The following WDR97 variants were observed in gnomAD, a reference collection of about 807,000 sequenced individuals.
The protein encoded by WDR97 is WD repeat-containing protein 97.
In WDR97, 111 loss-of-function variants were observed where a neutral mutation model predicts 65.4. The ratio of observed to expected loss-of-function variants is 1.70; its 90% confidence interval spans 1.45 to 1.99. WDR97 has a LOEUF of 1.99. Ranked by LOEUF, WDR97 falls within the 30% of genes most tolerant of loss-of-function variation. The pLI, the probability that WDR97 is intolerant of heterozygous loss-of-function variation, is 0.00. For missense variants in WDR97, 1,674 were observed against 865.0 expected, an observed-to-expected ratio of 1.94 and a Z score of -11.73; for synonymous variants, 802 against 397.7, an observed-to-expected ratio of 2.02 and a Z score of -12.10.
rs1393997762 is a variant in WDR97 at position 144,108,723 on chromosome 8, C to T, written c.657C>T (p.Ser219=). The part of the protein sequence containing the change: ...RLLLVAEMNS[S]LALWQFRSGG... The stretch of plus-strand genomic sequence containing the variant: ...TGCTCGTTGCGGAGATGAACAGCAG[C>T]CTGGCGCTCTGGCAGTTCCGTTCAG... The change falls in exon 3 of 24, where the codon AGC becomes AGT. Residue 219 remains serine, a synonymous_variant. Coordinates refer to ENST00000323662, the MANE Select transcript of WDR97 (RefSeq NM_001316309.2). The T allele has an allele frequency of 2.9e-6, 2 of 701,236 alleles. No homozygotes were observed. The highest frequency in any genetic ancestry group is 5.2e-6 in the Non-Finnish European group (2 of 384,582). 43.4% of individuals were successfully genotyped at this position (701,236 alleles called of 1,614,324 possible).
chr8:144,113,681 T>C lies in WDR97; in HGVS notation c.3208T>C (p.Trp1070Arg). The change falls in exon 17 of 24, where the codon TGG (tryptophan) becomes CGG (arginine). Residue 1070 changes from tryptophan (W) to arginine (R), a missense_variant. Coordinates refer to ENST00000323662, the MANE Select transcript of WDR97 (RefSeq NM_001316309.2). ...GCCAGGGGCAAGCCAGGATGCCCTG[T>C]GGTTGTGGCGCCCCAGGCCATCCCA... ...AEPGASQDAL[W>R]LWRPRPSQTQ... 1.5e-6 allele frequency: 1 copy of C among 666,724 alleles called. No individual in the cohort carries two copies. The highest frequency in any genetic ancestry group is 1.6e-5 in the South Asian group (1 of 61,910). The allele number at this position is 666,724 out of a possible 1,614,324, so 41.3% of individuals were successfully genotyped here.
Position 144,109,568 on chromosome 8 carries a change from C to A in WDR97, c.1234C>A (p.Arg412Ser), listed in dbSNP as rs1341607654. 1.0e-5 allele frequency: 7 copies of A among 695,046 alleles called. No homozygotes were observed. Among genetic ancestry groups the A allele is most frequent in the Non-Finnish European group, 1.6e-5 (6 of 381,468 alleles). The allele number at this position is 695,046 out of a possible 1,614,324, so 43.1% of individuals were successfully genotyped here. The part of the protein sequence containing the change: ...CASSMQLWRV[R>S]ELYSPLAQLP... ...GAGCAGCATGCAGCTGTGGCGCGTA[C>A]GCGAGCTCTACTCGCCGTTGGCGCA... The change falls in exon 5 of 24, where the codon CGC (arginine) becomes AGC (serine). Residue 412 changes from arginine to serine, a missense_variant. Coordinates refer to ENST00000323662, the MANE Select transcript of WDR97 (RefSeq NM_001316309.2).
At chr8:144,115,261 C>G (rs1836627330) in intron 21 of WDR97, 80 bp from the exon 22 acceptor site, 3 of 572,726 alleles carry the variant, frequency 5.2e-6, no homozygotes, top group Non-Finnish European at 6.2e-6. Flanking sequence ...ATGGAAAGCT[C>G]GCAGCCACTG....
chr8:144,109,151 G>A lies in WDR97; in HGVS notation c.981G>A (p.Met327Ile). The A allele has an allele frequency of 1.4e-6, 1 of 702,948 alleles. No homozygotes were observed. Among genetic ancestry groups the A allele is most frequent in the Non-Finnish European group, 2.6e-6 (1 of 384,998 alleles). 43.5% of individuals were successfully genotyped at this position (702,948 alleles called of 1,614,324 possible). A position where few individuals can be genotyped will look rare whatever the true frequency, so the allele number is the denominator to read the frequency against. The change falls in exon 4 of 24, where the codon ATG (methionine) becomes ATA (isoleucine). Residue 327 changes from methionine (M) to isoleucine (I), a missense_variant. Coordinates refer to ENST00000323662, the MANE Select transcript of WDR97 (RefSeq NM_001316309.2). ...GGGAGGCTGACTGGCAGATCCGGAT[G>A]GTGTTCGTGGGCCACACAGGTGCTC... is the stretch of plus-strand genomic sequence containing the variant. ...KVWEADWQIR[M>I]VFVGHTGPVT...
At position 144,109,726 on chromosome 8, in the gene WDR97, C is replaced by A. The variant is rs1218528997; in HGVS notation, c.1392C>A (p.Arg464=). 3 of 681,504 alleles carry A rather than the reference C, an allele frequency of 4.4e-6. No individual in the cohort carries two copies. The highest frequency in any genetic ancestry group is 8.0e-6 in the Non-Finnish European group (3 of 376,598). The allele number at this position is 681,504 out of a possible 1,614,324, so 42.2% of individuals were successfully genotyped here. ...ACCTCCTGTCGGCGGCCACCGGGCG[C>A]ATAGTGAGCTCACTGCTGCTGGAGC... ...SVYLLSAATG[R]IVSSLLLEPE... The change falls in exon 5 of 24, where the codon CGC becomes CGA. Residue 464 remains arginine (R), a synonymous_variant. Transcript: ENST00000323662.
chr8:144,110,611 GC>G (rs1232389926), intron 7 of WDR97, 34 bp downstream of exon 7: 7 of 702,608 alleles, frequency 1.0e-5, no homozygotes, highest in Non-Finnish European at 1.6e-5. Flanking sequence ...CCCAGCCACC[GC>G]CCAGCTCCGG....
At chr8:144,108,233 C>A in intron 2 of WDR97, 38 bp downstream of exon 2, 1 of 695,092 alleles carries the variant, frequency 1.4e-6, no homozygotes, top group South Asian at 1.5e-5. Flanking sequence ...GGCCTCTTTC[C>A]GGATCTGGGC....
chr8:144,113,084 T>G (rs1277664231), intron 15 of WDR97: 12 of 407,664 alleles, frequency 2.9e-5, no homozygotes, highest in Admixed American at 1.7e-4. Context: ...TTCTCCAAGC[T>G]CCTTCCTTCC....
In WDR97 at chr8:144,111,202, C is replaced by T. The variant is rs1376272773; in HGVS notation, c.2406C>T (p.Leu802=). The T allele has an allele frequency of 1.4e-6, 1 of 702,762 alleles. No individual in the cohort carries two copies. The highest frequency in any genetic ancestry group is 2.0e-5 in the Admixed American group (1 of 50,028). 43.5% of individuals were successfully genotyped at this position (702,762 alleles called of 1,614,324 possible). The part of the protein sequence containing the change: ...TSAQLQRLTN[L]HGAASLSEAL... ...CCCAACTGCAGAGGCTCACCAACCT[C>T]CATGGGGCAGCCAGCCTCAGGTCCC... Residue 802 remains leucine (L), a synonymous_variant, in exon 10 of 24, where the codon CTC becomes CTT. Coordinates refer to ENST00000323662, the MANE Select transcript of WDR97 (RefSeq NM_001316309.2).
chr8:144,109,736 T>G lies in WDR97; in HGVS notation c.1402T>G (p.Ser468Ala). The change falls in exon 5 of 24, where the codon TCA becomes GCA. Residue 468 changes from serine (S) to alanine (A), a missense_variant. Physicochemically the swap from Ser to Ala is moderately conservative, Grantham distance 99. Transcript: ENST00000323662. ...GGCGGCCACCGGGCGCATAGTGAGC[T>G]CACTGCTGCTGGAGCCGGAGGACTG... ...LSAATGRIVS[S>A]LLLEPEDCAA... The G allele has an allele frequency of 1.5e-6, 1 of 681,612 alleles. No homozygotes were observed. 42.2% of individuals were successfully genotyped at this position (681,612 alleles called of 1,614,324 possible). A position where few individuals can be genotyped will look rare whatever the true frequency, so the allele number is the denominator to read the frequency against.
chr8:144,109,198 C>T (rs1232407723), intron 4 of WDR97, 28 bp downstream of exon 4: 1 of 702,698 alleles, frequency 1.4e-6, no homozygotes. Context: ...CACCCCGAGC[C>T]TCGGCCCTTT....
chr8:144,109,007 C>A (rs566221474), intron 3 of WDR97, 42 bp from the exon 4 acceptor site: 1 of 703,094 alleles, frequency 1.4e-6, no homozygotes, highest in Non-Finnish European at 2.6e-6. Flanking sequence ...ACACACAAGG[C>A]GATGTTAAGT....
At position 144,108,957 on chromosome 8, in the gene WDR97, C is replaced by CTCACATGTG. The variant is rs1836480518; in HGVS notation, c.878+13_878+14insTCACATGTG. On this transcript the variant is annotated intron_variant, in intron 3 of 23. Transcript: ENST00000323662. ...ATTTGCACAAAACGTGAGGGGGATC[C>CTCACATGTG]CCCTAGGGAGGGCCAGGCATGTAGG... 4.3e-6 allele frequency: 3 copies of CTCACATGTG among 702,902 alleles called. No homozygotes were observed. Among genetic ancestry groups the CTCACATGTG allele is most frequent in the Non-Finnish European group, 7.8e-6 (3 of 385,020 alleles). 43.5% of individuals were successfully genotyped at this position (702,902 alleles called of 1,614,324 possible). A position where few individuals can be genotyped will look rare whatever the true frequency, so the allele number is the denominator to read the frequency against.
chr8:144,108,427 C>T lies in WDR97; in HGVS notation c.361C>T (p.Arg121Cys). ...GGTGGCGCAGGACCCGGTGGGTGGA[C>T]GCTTCGTGGTGCTGGACGGCGCGGG... ...RSVAQDPVGG[R>C]FVVLDGAGRL... Residue 121 changes from arginine to cysteine, a missense_variant, in exon 3 of 24, where the codon CGC (arginine) becomes TGC (cysteine). Coordinates refer to ENST00000323662, the MANE Select transcript of WDR97 (RefSeq NM_001316309.2). 1 of 699,542 alleles carries T rather than the reference C, an allele frequency of 1.4e-6. No individual in the cohort carries two copies. The highest frequency in any genetic ancestry group is 2.6e-6 in the Non-Finnish European group (1 of 383,676). 43.3% of individuals were successfully genotyped at this position (699,542 alleles called of 1,614,324 possible).
At position 144,110,986 on chromosome 8, in the gene WDR97, A is replaced by G; in HGVS notation, c.2294A>G (p.Tyr765Cys). Reference protein sequence around the residue: ...VSHRLYLPTSYLVKKMCRKAP... With the variant: ...VSHRLYLPTSCLVKKMCRKAP... ...CACAGGCTCTACCTGCCTACATCCTACCTAGTTAAGGTGTGTGGTGAGGAC... is the reference window on the plus strand; with the variant it reads ...CACAGGCTCTACCTGCCTACATCCTGCCTAGTTAAGGTGTGTGGTGAGGAC... The change falls in exon 9 of 24, where the codon TAC becomes TGC. Residue 765 changes from tyrosine (Y) to cysteine (C), a missense_variant. By Grantham distance (194) the Tyr-to-Cys change is radical. Coordinates refer to ENST00000323662, the MANE Select transcript of WDR97 (RefSeq NM_001316309.2). 1 of 702,534 alleles carries G rather than the reference A, an allele frequency of 1.4e-6. No individual in the cohort carries two copies. Among genetic ancestry groups the G allele is most frequent in the Non-Finnish European group, 2.6e-6 (1 of 384,914 alleles). 43.5% of individuals were successfully genotyped at this position (702,534 alleles called of 1,614,324 possible). A position where few individuals can be genotyped will look rare whatever the true frequency, so the allele number is the denominator to read the frequency against.
Position 144,111,118 on chromosome 8 carries a change from C to G in WDR97, c.2322C>G (p.Ala774=), listed in dbSNP as rs1836539089. The G allele has an allele frequency of 1.4e-6, 1 of 702,800 alleles. No individual in the cohort carries two copies. 43.5% of individuals were successfully genotyped at this position (702,800 alleles called of 1,614,324 possible). Residue 774 remains alanine (A), a synonymous_variant, in exon 10 of 24, where the codon GCC becomes GCG. Transcript: ENST00000323662. ...SYLVKKMCRK[A]PDVVDDPPLP... ...CTATTCAGAAGATGTGCCGGAAGGC[C>G]CCAGACGTGGTGGACGACCCTCCGC...
At chr8:144,111,388 C>T in intron 10 of WDR97, 38 bp from the exon 11 acceptor site, 1 of 702,834 alleles carries the variant, frequency 1.4e-6, no homozygotes, top group Admixed American at 2.0e-5. Context: ...CACTGGCATG[C>T]CACCCAGCAT....
Position 144,114,216 on chromosome 8 carries a change from G to A in WDR97, c.3594+54G>A, listed in dbSNP as rs753158432. The A allele has an allele frequency of 7.9e-5, 55 of 695,514 alleles. 2 individuals carry two copies. The South Asian group carries it at 8.2e-4, about 10-fold the overall frequency. 43.1% of individuals were successfully genotyped at this position (695,514 alleles called of 1,614,324 possible). ...GCATGGGTTAGGGTGAGGGACAGGG[G>A]AGAAGGTAGGGGCTGGCTTGGGTGT... is the stretch of plus-strand genomic sequence containing the variant. On this transcript the variant is annotated intron_variant, in intron 18 of 23. Transcript: ENST00000323662.
At position 144,110,809 on chromosome 8, in the gene WDR97, G is replaced by T. The variant is rs899001188; in HGVS notation, c.2172-55G>T. ...CTCACCAGAGCCCACTGGCTGGACT[G>T]AGTGGAGAAGGCCTTGTCCCTGCTG... On this transcript the variant is annotated intron_variant, in intron 8 of 23. Transcript: ENST00000323662. 2.8e-5 allele frequency: 20 copies of T among 702,380 alleles called. No individual in the cohort carries two copies. In the East Asian group the frequency reaches 5.4e-4, roughly 19 times the overall value. The allele number at this position is 702,380 out of a possible 1,614,324, so 43.5% of individuals were successfully genotyped here.
Sources: gnomAD v4.1 joint callset for allele counts on GRCh38, gnomAD v4.1.1 for gene constraint, MANE v1.5 for transcripts, NCBI Gene and HGNC (gene_info 2026-07-23, HGNC 2026-07-21) for gene names.